ITGA2: variants seen among roughly 807,000 people sequenced by gnomAD.
The protein encoded by ITGA2 is integrin alpha-2.
ITGA2 carries 101 observed loss-of-function variants against 146.3 expected under a neutral mutation model. The observed-to-expected ratio is 0.69, with a 90% confidence interval of 0.59 to 0.81. The LOEUF (loss-of-function observed/expected upper bound fraction) is 0.81, where lower values mean the gene tolerates loss of function less well. Ranked by LOEUF, ITGA2 falls within the 40% of genes least tolerant of loss-of-function variation. ITGA2 has a pLI of 0.00. For missense variants in ITGA2, 1,281 were observed against 1,402.7 expected, an observed-to-expected ratio of 0.91 and a Z score of 1.39; for synonymous variants, 477 against 487.1, an observed-to-expected ratio of 0.98 and a Z score of 0.27.
intron 17 of ITGA2, 33 bp downstream of exon 17, chr5:53,070,293 T>C (rs762373207): frequency 6.2e-7 from 1 of 1,609,086 alleles, no homozygotes; most frequent in Non-Finnish European, 8.5e-7. Context: ...TTTGACTTTA[T>C]TTCTTCCTAA....
intron 1 of ITGA2, among the ~76,000 whole-genome samples, chr5:53,003,594 A>G (rs1312370988): frequency 1.3e-5 from 2 of 152,176 alleles, no homozygotes; most frequent in Non-Finnish European, 2.9e-5. Context: ...CCATCCCAAA[A>G]GAAACTGGCA....
intron 23 of ITGA2, among the ~76,000 whole-genome samples, chr5:53,077,225 T>G (rs1745702247): frequency 1.3e-5 from 2 of 152,096 alleles, no homozygotes; most frequent in Non-Finnish European, 2.9e-5. Context: ...GACATTTGGT[T>G]GTTTTGCATT....
chr5:52,995,359 G>A (rs1245388612), intron 1 of ITGA2, among the ~76,000 whole-genome samples: 1 of 152,178 alleles, frequency 6.6e-6, no homozygotes, highest in East Asian at 1.9e-4. Context: ...TTGGGTTTTA[G>A]TTTTAGTTTA....
intron 28 of ITGA2, 72 bp from the exon 29 acceptor site, chr5:53,089,874 A>G (rs1004894372): frequency 2.7e-5 from 24 of 888,726 alleles, no homozygotes; most frequent in Non-Finnish European, 4.2e-5. Flanking sequence ...ACAGAATTAG[A>G]GAATTGGACT....
At chr5:53,045,418 A>G (rs531140047) in intron 4 of ITGA2, among the ~76,000 whole-genome samples, 5 of 152,212 alleles carry the variant, frequency 3.3e-5, no homozygotes, top group African/African-American at 4.8e-5. Flanking sequence ...CTGTAGGATC[A>G]TTCAAGATAG....
intron 21 of ITGA2, 69 bp from the exon 22 acceptor site, chr5:53,074,992 A>G: frequency 1.0e-6 from 1 of 953,310 alleles, no homozygotes; most frequent in Non-Finnish European, 1.6e-6. Flanking sequence ...TATGAGAAAC[A>G]TTTTTTTTTT....
chr5:53,049,012 C>CTT (rs111756330), intron 6 of ITGA2, among the ~76,000 whole-genome samples: 9 of 144,036 alleles, frequency 6.2e-5, no homozygotes, highest in African/African-American at 2.0e-4. Flanking sequence ...TGGGACATAA[C>CTT]TTTTTTTTTT....
chr5:53,062,069 G>A (rs577589956), intron 12 of ITGA2, among the ~76,000 whole-genome samples: 1 of 151,892 alleles, frequency 6.6e-6, no homozygotes, highest in African/African-American at 2.4e-5. Flanking sequence ...TGTTGAATGG[G>A]ATGAAGGTTC....
At chr5:53,069,769 CGT>C (rs1034602802) in intron 16 of ITGA2, among the ~76,000 whole-genome samples, 23 of 151,860 alleles carry the variant, frequency 1.5e-4, no homozygotes, top group African/African-American at 4.8e-4. Context: ...TCTGTGTCTC[CGT>C]GTTATGAGTA....
chr5:53,092,228 A>C lies in ITGA2; in HGVS notation c.*1629A>C, dbSNP rs1740461642. 6.6e-6 allele frequency: 1 copy of C among 152,194 alleles called. No homozygotes were observed. The highest frequency in any genetic ancestry group is 1.5e-5 in the Non-Finnish European group (1 of 68,034). 9.4% of individuals were successfully genotyped at this position (152,194 alleles called of 1,614,324 possible). A position where few individuals can be genotyped will look rare whatever the true frequency, so the allele number is the denominator to read the frequency against. On this transcript the variant is annotated 3_prime_UTR_variant, in exon 30 of 30. Coordinates refer to ENST00000296585, the MANE Select transcript of ITGA2 (RefSeq NM_002203.4). ...TTTGGACAAGTCCTTGACCTCTATA[A>C]ACTTCAGAGTCCTCATTATAAAATG...
chr5:53,019,528 C>T (rs1742564018), intron 1 of ITGA2, among the ~76,000 whole-genome samples: 1 of 151,708 alleles, frequency 6.6e-6, no homozygotes, highest in Non-Finnish European at 1.5e-5. Context: ...CTGAGTCACC[C>T]TTATTTATTT....
Position 53,094,196 on chromosome 5 carries a change from A to AATTTATAAACCACTTTGTAGGACT in ITGA2, c.*3599_*3600insTTATAAACCACTTTGTAGGACTAT, listed in dbSNP as rs57674800. 1 of 151,968 alleles carries AATTTATAAACCACTTTGTAGGACT rather than the reference A, an allele frequency of 6.6e-6. No homozygotes were observed. Among genetic ancestry groups the AATTTATAAACCACTTTGTAGGACT allele is most frequent in the African/African-American group, 2.4e-5 (1 of 41,364 alleles). 9.4% of individuals were successfully genotyped at this position (151,968 alleles called of 1,614,324 possible). A position where few individuals can be genotyped will look rare whatever the true frequency, so the allele number is the denominator to read the frequency against. On this transcript the variant is annotated 3_prime_UTR_variant, in exon 30 of 30. Coordinates refer to ENST00000296585, the MANE Select transcript of ITGA2 (RefSeq NM_002203.4). ...ATATTTCAATTTGCACACATAAAAC[A>AATTTATAAACCACTTTGTAGGACT]ATGCCCTTTTGTGTACATTCAGGCA...
intron 1 of ITGA2, among the ~76,000 whole-genome samples, chr5:52,993,723 A>C (rs918140226): frequency 2.0e-5 from 3 of 152,230 alleles, no homozygotes; most frequent in African/African-American, 4.8e-5. Context: ...ATGTTCAGTC[A>C]ATGTGTATAA....
intron 6 of ITGA2, among the ~76,000 whole-genome samples, chr5:53,050,533 C>T (rs1744307262): frequency 6.6e-6 from 1 of 152,126 alleles, no homozygotes; most frequent in East Asian, 1.9e-4. Flanking sequence ...CAAAACACAG[C>T]AGATGGAACT....
intron 15 of ITGA2, among the ~76,000 whole-genome samples, chr5:53,066,501 C>CA (rs1245385721): frequency 3.3e-5 from 5 of 151,670 alleles, no homozygotes; most frequent in African/African-American, 1.2e-4. Context: ...GATTCAAGGT[C>CA]AAAAATAAGT....
chr5:53,081,569 G>A (rs1362021591), intron 25 of ITGA2, 23 bp from the exon 26 acceptor site: 1 of 1,551,744 alleles, frequency 6.4e-7, no homozygotes, highest in Non-Finnish European at 8.9e-7. Flanking sequence ...TCTGAAGTCT[G>A]ATCGGGTGTT....
At chr5:53,075,541 G>A (rs1745624801) in intron 23 of ITGA2, among the ~76,000 whole-genome samples, 1 of 151,876 alleles carries the variant, frequency 6.6e-6, no homozygotes, top group African/African-American at 2.4e-5. Flanking sequence ...AAAGATCCCC[G>A]TAGCCACACA....
rs367655620 is a variant in ITGA2 at position 53,087,067 on chromosome 5, G to A, written c.3348+26G>A. The A allele has an allele frequency of 2.5e-4, 384 of 1,523,930 alleles. 5 individuals carry two copies. The South Asian group carries it at 4.1e-3, about 16-fold the overall frequency. 94.4% of individuals were successfully genotyped at this position (1,523,930 alleles called of 1,614,324 possible). On this transcript the variant is annotated intron_variant, in intron 28 of 29. Coordinates refer to ENST00000296585, the MANE Select transcript of ITGA2 (RefSeq NM_002203.4). ...GTGAGCATATCACACCCTTCCCTGT[G>A]AGCCTCAGGGTCTGTGATGGCATTC...
intron 18 of ITGA2, 25 bp from the exon 19 acceptor site, chr5:53,072,588 A>G: frequency 3.2e-6 from 5 of 1,580,998 alleles, no homozygotes; most frequent in Non-Finnish European, 3.5e-6. Context: ...GAGCAAATGT[A>G]TGGATCTTTT....
Sources: allele counts gnomAD v4.1 joint callset (sites outside exome capture counted in the v4.1 genomes callset), GRCh38; gene constraint gnomAD v4.1.1; transcripts MANE v1.5; gene names NCBI Gene and HGNC (gene_info 2026-07-23, HGNC 2026-07-21).